Variants in PCDH10 observed in about 807,000 individuals in gnomAD.
PCDH10 encodes protocadherin-10.
PCDH10 carries 15 observed loss-of-function variants against 74.4 expected under a neutral mutation model. The ratio of observed to expected loss-of-function variants is 0.20; its 90% CI spans 0.13 to 0.31. The LOEUF is 0.31. Ranked by LOEUF, PCDH10 falls within the 10% of genes least tolerant of loss-of-function variation. The pLI is 1.00. For missense variants in PCDH10, 1,260 were observed against 1,390.2 expected (o/e 0.91, Z 1.49); for synonymous variants, 619 against 589.8 (o/e 1.05, Z -0.72).
chr4:133,201,490 A>G (rs1230903613), intron 2 of PCDH10, among the ~76,000 whole-genome samples: 1 of 152,124 alleles, frequency 6.6e-6, no homozygotes, highest in East Asian at 1.9e-4. Context: ...ACCTCCCACT[A>G]GCGGATGTAA....
rs768148558 is a variant in PCDH10, at chr4:133,152,063, A to C, written c.1923A>C (p.Ala641=). 4.4e-6 allele frequency: 7 copies of C among 1,606,818 alleles called. No homozygotes were observed. Among genetic ancestry groups the C allele is most frequent in the Middle Eastern group, 1.7e-4 (1 of 6,036 alleles). The part of the protein sequence containing the change: ...MDWRTGELRT[A]RRVPAKRDPQ... ...GGCGCACCGGGGAGCTGCGCACAGC[A>C]CGCCGAGTCCCGGCCAAGCGCGACC... Residue 641 remains alanine (A), a synonymous_variant, in exon 1 of 5, where the codon GCA becomes GCC. Coordinates refer to ENST00000264360, the MANE Select transcript of PCDH10 (RefSeq NM_032961.3).
At chr4:133,202,671 C>A (rs1193141116) in intron 2 of PCDH10, among the ~76,000 whole-genome samples, 1 of 152,078 alleles carries the variant, frequency 6.6e-6, no homozygotes, top group Non-Finnish European at 1.5e-5. Context: ...GAAGCCATTT[C>A]CTGTCCTGGA....
rs79264339 is a variant in PCDH10, at chr4:133,203,093, G to A, written n.438-4983G>A. 3.1e-3 allele frequency among the ~76,000 whole-genome samples: 467 copies of A among 152,188 alleles called. 1 individual carries two copies. The highest frequency in any genetic ancestry group is 4.9e-3 in the Non-Finnish European group (331 of 68,024). On this transcript the variant is annotated intron_variant and non_coding_transcript_variant, in intron 2 of 2. Coordinates refer to the PCDH10 transcript ENST00000511112. ...TGGTATGGAGGATCAGAAGCTCAAT[G>A]TCTATGAGAGTTCTGTATTTCCAGA...
intron 2 of PCDH10, 27 bp from the exon 3 acceptor site, chr4:133,154,890 C>G: frequency 2.1e-6 from 3 of 1,430,404 alleles, no homozygotes; most frequent in Non-Finnish European, 3.0e-6. Context: ...CTTTTTTATT[C>G]TAATATTCAC....
intron 4 of PCDH10, among the ~76,000 whole-genome samples, chr4:133,168,524 C>T (rs1727134849): frequency 6.6e-6 from 1 of 151,492 alleles, no homozygotes; most frequent in Non-Finnish European, 1.5e-5. Context: ...TTTATTTTGA[C>T]AATTTGACCT....
chr4:133,177,948 A>G (rs1727329326), intron 4 of PCDH10, among the ~76,000 whole-genome samples: 1 of 152,118 alleles, frequency 6.6e-6, no homozygotes, highest in Non-Finnish European at 1.5e-5. Flanking sequence ...CCACTATTTA[A>G]GCACTATCTG....
At position 133,204,901 on chromosome 4, in the gene PCDH10, C is replaced by A. The variant is rs1727972231; in HGVS notation, n.438-3175C>A. The stretch of plus-strand genomic sequence containing the variant: ...GAGGACACTGCATTCTGCACAGGAC[C>A]ACTTGGAGTGTGTACTTGGAAACAA... On this transcript the variant is annotated intron_variant and non_coding_transcript_variant, in intron 2 of 2. Transcript: ENST00000511112. Among the ~76,000 whole-genome samples the A allele has an allele frequency of 2.0e-5, 3 of 152,200 alleles. No homozygotes were observed. The South Asian group carries it at 6.2e-4, about 32-fold the overall frequency.
intron 2 of PCDH10, among the ~76,000 whole-genome samples, chr4:133,201,856 C>CA (rs11400760): frequency 0.17 from 12,603 of 72,280 alleles, 1,472 homozygotes; most frequent in Middle Eastern, 0.26. Context: ...AACTCCATCT[C>CA]AAAAAAAAAA....
chr4:133,207,221 T>C (rs1728026426), intron 2 of PCDH10, among the ~76,000 whole-genome samples: 1 of 152,026 alleles, frequency 6.6e-6, no homozygotes, highest in African/African-American at 2.4e-5. Context: ...GTTATTATAT[T>C]ATATTATAAT....
At chr4:133,154,394 A>G in intron 2 of PCDH10, 29 bp downstream of exon 2, 1 of 1,405,626 alleles carries the variant, frequency 7.1e-7, no homozygotes, top group Non-Finnish European at 9.9e-7. Context: ...CCTAGCAGTA[A>G]TGGACAATTT....
At chr4:133,168,835 TTGA>T (rs1727141281) in intron 4 of PCDH10, among the ~76,000 whole-genome samples, 1 of 151,718 alleles carries the variant, frequency 6.6e-6, no homozygotes, top group African/African-American at 2.4e-5. Context: ...CACTCAGTTG[TTGA>T]TACCTCCAAG....
At chr4:133,157,955 A>G (rs1226337434) in intron 3 of PCDH10, among the ~76,000 whole-genome samples, 1 of 152,122 alleles carries the variant, frequency 6.6e-6, no homozygotes, top group Non-Finnish European at 1.5e-5. Context: ...ACCTGGCTCC[A>G]TGTGTGAAAT....
At chr4:133,179,619 A>G (rs1231245961) in intron 4 of PCDH10, among the ~76,000 whole-genome samples, 1 of 152,152 alleles carries the variant, frequency 6.6e-6, no homozygotes, top group Non-Finnish European at 1.5e-5. Context: ...TTTAATGAGA[A>G]GACTTCTCAG....
At chr4:133,197,969 T>TTGTGTGTG (rs70957500), downstream of PCDH10, among the ~76,000 whole-genome samples, 6,345 of 144,972 alleles carry the variant, frequency 0.044, 150 homozygotes, top group Admixed American at 0.058. Context: ...TCTCTCAAAA[T>TTGTGTGTG]TGTGTGTGTG....
Position 133,152,791 on chromosome 4 carries a change from A to G in PCDH10, c.2631+20A>G, listed in dbSNP as rs1726765710. 2 of 1,613,796 alleles carry G rather than the reference A, an allele frequency of 1.2e-6. No individual in the cohort carries two copies. The highest frequency in any genetic ancestry group is 1.7e-6 in the Non-Finnish European group (2 of 1,179,898). ...AACGAGGTAAGGCTGAAGCGAAAGG[A>G]CCACCATCTCTCATCTCCTCCATCA... On this transcript the variant is annotated intron_variant, in intron 1 of 4. Coordinates refer to ENST00000264360, the MANE Select transcript of PCDH10 (RefSeq NM_032961.3).
intron 4 of PCDH10, among the ~76,000 whole-genome samples, chr4:133,172,025 A>G (rs1022797547): frequency 1.3e-5 from 2 of 152,040 alleles, no homozygotes; most frequent in African/African-American, 4.8e-5. Context: ...ATTTTAAAAT[A>G]TTTTTTAAAT....
chr4:133,150,163 C>T lies in PCDH10; in HGVS notation c.23C>T (p.Ala8Val). 6.4e-7 allele frequency: 1 copy of T among 1,565,104 alleles called. No individual in the cohort carries two copies. The highest frequency in any genetic ancestry group is 1.2e-5 in the South Asian group (1 of 82,632). Residue 8 changes from alanine to valine, a missense_variant, in exon 1 of 5, where the codon GCC becomes GTC. Ala to Val is a moderately conservative substitution (Grantham distance 64, BLOSUM62 0). Transcript: ENST00000264360. ...GAGATGATTGTGCTATTATTGTTTG[C>T]CTTGCTCTGGATGGTGGAAGGAGTC... is the stretch of plus-strand genomic sequence containing the variant. MIVLLLF[A>V]LLWMVEGVFS...
At position 133,152,507 on chromosome 4, in the gene PCDH10, G is replaced by C; in HGVS notation, c.2367G>C (p.Leu789=). ...AACTCAGCAAGTCAGACATCATGCT[G>C]GTGCAGAGCTCCAATGTACCCAGTA... ...KKKLSKSDIM[L]VQSSNVPSNP... is the part of the protein sequence containing the mutation. The change falls in exon 1 of 5, where the codon CTG becomes CTC. Residue 789 remains leucine, a synonymous_variant. Coordinates refer to ENST00000264360, the MANE Select transcript of PCDH10 (RefSeq NM_032961.3). 5 of 1,614,128 alleles carry C rather than the reference G, an allele frequency of 3.1e-6. No individual in the cohort carries two copies. The highest frequency in any genetic ancestry group is 4.2e-6 in the Non-Finnish European group (5 of 1,180,000).
intron 3 of PCDH10, among the ~76,000 whole-genome samples, 179 bp downstream of exon 3, chr4:133,155,202 A>G (rs1182889571): frequency 1.3e-5 from 2 of 152,214 alleles, no homozygotes; most frequent in Non-Finnish European, 2.9e-5. Flanking sequence ...GTAAAAATGC[A>G]ATGTTCCTTT....
Sources: gnomAD v4.1 joint callset for allele counts (sites outside exome capture counted in the v4.1 genomes callset) on GRCh38, gnomAD v4.1.1 for gene constraint, MANE v1.5 for transcripts, NCBI Gene and HGNC (gene_info 2026-07-23, HGNC 2026-07-21) for gene names.